CFAP77: variants seen among roughly 807,000 people sequenced by gnomAD.
CFAP77 encodes cilia and flagella associated protein 77.
In CFAP77, 25 loss-of-function variants were observed where a neutral mutation model predicts 31.1. The observed-to-expected ratio is 0.80, with a 90% CI of 0.59 to 1.12. The LOEUF (loss-of-function observed/expected upper bound fraction) is 1.12, where lower values mean the gene tolerates loss of function less well. Ranked by LOEUF, CFAP77 falls within the 50% of genes most tolerant of loss-of-function variation. The pLI is 0.00. For synonymous variants in CFAP77, 151 were observed against 159.9 expected, an observed-to-expected ratio of 0.94 and a Z score of 0.42; for missense variants, 377 against 397.3, an observed-to-expected ratio of 0.95 and a Z score of 0.44.
chr9:132,544,285 C>T (rs1284716475), intron 5 of CFAP77, among the ~76,000 whole-genome samples: 4 of 152,330 alleles, frequency 2.6e-5, no homozygotes, highest in South Asian at 2.1e-4. Context: ...AGGAACAGGG[C>T]CGAGTACGTT....
At chr9:132,544,266 C>T (rs116850450) in intron 5 of CFAP77, among the ~76,000 whole-genome samples, 1 of 152,338 alleles carries the variant, frequency 6.6e-6, no homozygotes, top group East Asian at 1.9e-4. Context: ...GCACAGCAGA[C>T]GTCAAGGGAG....
At chr9:132,510,752 G>A (rs898491027) in intron 3 of CFAP77, among the ~76,000 whole-genome samples, 1 of 152,172 alleles carries the variant, frequency 6.6e-6, no homozygotes, top group East Asian at 1.9e-4. Context: ...TCCCGTCGGA[G>A]GCCAGATGGG....
Position 132,501,563 on chromosome 9 carries a change from T to G in CFAP77, c.524+1963T>G, listed in dbSNP as rs1412277126. ...GACTACAGGCGTGCACCAACACGCC[T>G]GGCCAATTTTTGTATTTATAGTAGA... On this transcript the variant is annotated intron_variant, in intron 3 of 5. Transcript: ENST00000393216. The surrounding 1 kb of genome is among the most constrained non-coding windows in gnomAD (Gnocchi z 4.6). 6.6e-6 allele frequency among the ~76,000 whole-genome samples: 1 copy of G among 152,146 alleles called. No homozygotes were observed. Among genetic ancestry groups the G allele is most frequent in the Non-Finnish European group, 1.5e-5 (1 of 68,026 alleles).
intron 1 of CFAP77, among the ~76,000 whole-genome samples, chr9:132,456,193 G>A (rs1307540445): frequency 1.3e-5 from 2 of 152,186 alleles, no homozygotes; most frequent in African/African-American, 2.4e-5. Context: ...ATACACAGCC[G>A]AAAGGTAGCA....
At chr9:132,459,325 T>A (rs1489421674) in intron 1 of CFAP77, among the ~76,000 whole-genome samples, 1 of 152,006 alleles carries the variant, frequency 6.6e-6, no homozygotes, top group Admixed American at 6.6e-5. Context: ...CCCGCCTTGG[T>A]CTCCCAAAGT....
chr9:132,488,410 A>G (rs937717985), intron 1 of CFAP77, among the ~76,000 whole-genome samples: 5 of 152,202 alleles, frequency 3.3e-5, no homozygotes, highest in Non-Finnish European at 7.3e-5. Flanking sequence ...CTGGATTTTT[A>G]AGATATCTCG....
intron 1 of CFAP77, among the ~76,000 whole-genome samples, chr9:132,456,755 T>C (rs72765882): frequency 2.1e-5 from 3 of 145,602 alleles, no homozygotes; most frequent in Non-Finnish European, 4.6e-5. Flanking sequence ...TTAAAAAAAA[T>C]TTTTTTTTTT....
At chr9:132,504,844 C>A (rs1236414175) in intron 3 of CFAP77, among the ~76,000 whole-genome samples, 1 of 152,228 alleles carries the variant, frequency 6.6e-6, no homozygotes, top group East Asian at 1.9e-4. Flanking sequence ...AAATCATTGC[C>A]CCGCTCCCTA....
At chr9:132,502,265 A>ATATATT (rs1469260414) in intron 3 of CFAP77, among the ~76,000 whole-genome samples, 24 of 83,862 alleles carry the variant, frequency 2.9e-4, no homozygotes, top group African/African-American at 9.5e-4. Context: ...ATATATATAT[A>ATATATT]TTTTTTTTTT....
intron 1 of CFAP77, among the ~76,000 whole-genome samples, chr9:132,496,754 C>T (rs376189268): frequency 2.0e-5 from 3 of 152,190 alleles, no homozygotes; most frequent in Admixed American, 6.5e-5. Flanking sequence ...GATGCCAATC[C>T]GGGAAGGCTT....
intron 1 of CFAP77, among the ~76,000 whole-genome samples, chr9:132,433,054 G>T (rs960428541): frequency 2.0e-5 from 3 of 151,972 alleles, no homozygotes; most frequent in Non-Finnish European, 2.9e-5. Flanking sequence ...TCGCTATGTT[G>T]CCCAGGCTGG....
chr9:132,437,580 GCT>G (rs1156668602), intron 1 of CFAP77, among the ~76,000 whole-genome samples: 8 of 147,928 alleles, frequency 5.4e-5, no homozygotes, highest in Non-Finnish European at 8.9e-5. Flanking sequence ...CGCGATCTCG[GCT>G]CTCTGCAAAC....
chr9:132,472,724 A>C (rs2131737143), intron 1 of CFAP77, among the ~76,000 whole-genome samples: 1 of 152,302 alleles, frequency 6.6e-6, no homozygotes, highest in Admixed American at 6.5e-5. Flanking sequence ...CCATGACTGC[A>C]CCACTGCACT....
chr9:132,536,052 A>T (rs565780742), intron 3 of CFAP77, among the ~76,000 whole-genome samples: 1 of 152,246 alleles, frequency 6.6e-6, no homozygotes, highest in Admixed American at 6.5e-5. Context: ...ATATATGTAT[A>T]TGCATCATAT....
chr9:132,544,001 G>T (rs1482840494), intron 5 of CFAP77, among the ~76,000 whole-genome samples: 2 of 152,214 alleles, frequency 1.3e-5, no homozygotes, highest in Admixed American at 6.5e-5. Context: ...CAAGGCAGTC[G>T]CCTGGCCCCG....
At chr9:132,482,497 T>C (rs1341153499) in intron 1 of CFAP77, 2 of 1,053,212 alleles carry the variant, frequency 1.9e-6, no homozygotes, top group East Asian at 2.4e-5. Context: ...TCCGCACACC[T>C]ACTGCGTGCT....
intron 1 of CFAP77, among the ~76,000 whole-genome samples, chr9:132,459,435 G>A (rs1320049534): frequency 6.6e-6 from 1 of 151,704 alleles, no homozygotes; most frequent in Non-Finnish European, 1.5e-5. Context: ...GTGTGTGTGT[G>A]TGTGTGTGTG....
rs868861922 is a variant in CFAP77, at chr9:132,481,381, G to A, written c.196-17314G>A. ...CCCCATCCAAGTCCTGCCCACTAAA[G>A]CTTGTGTATTCCTATTTCTTTTCCC... On this transcript the variant is annotated intron_variant, in intron 1 of 5. Transcript: ENST00000393216. This position sits in a 1 kb window ranked among gnomAD's most constrained non-coding sequence, Gnocchi z 5.0. 3.3e-5 allele frequency among the ~76,000 whole-genome samples: 5 copies of A among 152,120 alleles called. No homozygotes were observed. Among genetic ancestry groups the A allele is most frequent in the African/African-American group, 1.2e-4 (5 of 41,414 alleles).
At chr9:132,535,709 CTCAA>C (rs1392009860) in intron 3 of CFAP77, among the ~76,000 whole-genome samples, 2 of 135,420 alleles carry the variant, frequency 1.5e-5, no homozygotes, top group African/African-American at 6.6e-5. Context: ...GAGACTCCAC[CTCAA>C]TAAATAAATA....
Sources: allele counts gnomAD v4.1 joint callset (sites outside exome capture counted in the v4.1 genomes callset), GRCh38; gene constraint gnomAD v4.1.1; non-coding constraint Gnocchi (gnomAD v3.1); transcripts MANE v1.5; gene names NCBI Gene and HGNC (gene_info 2026-07-23, HGNC 2026-07-21).